EXOC1: variants seen among roughly 807,000 people sequenced by gnomAD.
The protein encoded by EXOC1 is exocyst complex component 1.
EXOC1 carries 67 observed loss-of-function variants against 107.7 expected under a neutral mutation model. The ratio of observed to expected loss-of-function variants is 0.62; its 90% CI spans 0.51 to 0.76. EXOC1 has a LOEUF of 0.76. EXOC1 is among the 30% of genes least tolerant of loss of function. The pLI is 0.00. For missense variants in EXOC1, 833 were observed against 1,055.7 expected, an observed-to-expected ratio of 0.79 and a Z score of 2.92; for synonymous variants, 348 against 353.5, an observed-to-expected ratio of 0.98 and a Z score of 0.17.
At chr4:55,897,052 A>G (rs1725292896) in intron 16 of EXOC1, 152 bp downstream of exon 16, 2 of 651,170 alleles carry the variant, frequency 3.1e-6, no homozygotes, top group Non-Finnish European at 4.8e-6. Flanking sequence ...TTTGGAAAAT[A>G]AAACCTATTT....
chr4:55,872,246 T>TA (rs147439110), intron 8 of EXOC1, among the ~76,000 whole-genome samples: 12,860 of 152,232 alleles, frequency 0.084, 648 homozygotes, highest in African/African-American at 0.12. Flanking sequence ...TTTTTATTTA[T>TA]AAAGTAAGTC....
At chr4:55,883,555 G>A (rs527470797) in intron 9 of EXOC1, 19 of 270,412 alleles carry the variant, frequency 7.0e-5, no homozygotes, top group African/African-American at 4.3e-4. Context: ...TGATTACAGT[G>A]ATATTTAAAA....
At chr4:55,868,190 AT>A in intron 4 of EXOC1, 145 bp from the exon 5 acceptor site, 1 of 475,704 alleles carries the variant, frequency 2.1e-6, no homozygotes, top group Non-Finnish European at 3.4e-6. Flanking sequence ...ATAAAGTTTG[AT>A]TTTTTCATAT....
chr4:55,894,723 A>G (rs1440446503), intron 15 of EXOC1, among the ~76,000 whole-genome samples: 1 of 147,222 alleles, frequency 6.8e-6, no homozygotes, highest in African/African-American at 2.5e-5. Flanking sequence ...CCTGGGTTCA[A>G]GTGATTCTCC....
chr4:55,901,974 A>G (rs78470125), intron 17 of EXOC1, among the ~76,000 whole-genome samples: 1,731 of 152,276 alleles, frequency 0.011, 43 homozygotes, highest in African/African-American at 0.039. Flanking sequence ...AAGTCCAAAA[A>G]AAGAAGGGGG....
intron 11 of EXOC1, 119 bp downstream of exon 11, chr4:55,889,051 T>A (rs1724217275): frequency 2.2e-6 from 2 of 930,042 alleles, no homozygotes; most frequent in South Asian, 3.0e-5. Context: ...TTGCCAGGTA[T>A]TGGTGAAAGA....
rs1726420643 is a variant in EXOC1, at chr4:55,904,755, T to C, written c.*260T>C. ...AATGCCTTTAGCATTTCTCAATGAC[T>C]GGATGGGAAATTTTCCTTTATTGCC... On this transcript the variant is annotated 3_prime_UTR_variant, in exon 19 of 19. Transcript: ENST00000381295. 3.5e-6 allele frequency: 1 copy of C among 285,586 alleles called. No individual in the cohort carries two copies. The allele number at this position is 285,586 out of a possible 1,614,324, so 17.7% of individuals were successfully genotyped here.
Position 55,864,262 on chromosome 4 carries a change from A to T in EXOC1, c.291A>T (p.Ile97=). The change falls in exon 4 of 19, where the codon ATA becomes ATT. Residue 97 remains isoleucine, a synonymous_variant. Coordinates refer to ENST00000381295, the MANE Select transcript of EXOC1 (RefSeq NM_001024924.2). ...AATTTGATTTACACTTTGAAAAAAT[A>T]TATAAATGGGTTGCCAGCAGCACTG... is the stretch of plus-strand genomic sequence containing the variant. ...NPEFDLHFEK[I]YKWVASSTAE... 6.3e-7 allele frequency: 1 copy of T among 1,594,456 alleles called. No individual in the cohort carries two copies. Among genetic ancestry groups the T allele is most frequent in the Non-Finnish European group, 8.5e-7 (1 of 1,170,724 alleles).
In EXOC1 at chr4:55,904,851, T is replaced by C. The variant is rs1726427889; in HGVS notation, c.*356T>C. 2 of 169,132 alleles carry C rather than the reference T, an allele frequency of 1.2e-5. No individual in the cohort carries two copies. Among genetic ancestry groups the C allele is most frequent in the South Asian group, 3.9e-4 (2 of 5,092 alleles). The allele number at this position is 169,132 out of a possible 1,614,324, so 10.5% of individuals were successfully genotyped here. ...AGTTCTTCAGCTTTCACTACTTCTCTGTTGCTTGCTAATCATGTAACTACT... is the reference window on the plus strand; with the variant it reads ...AGTTCTTCAGCTTTCACTACTTCTCCGTTGCTTGCTAATCATGTAACTACT... On this transcript the variant is annotated 3_prime_UTR_variant, in exon 19 of 19. Transcript: ENST00000381295.
chr4:55,899,669 TC>T lies in EXOC1; in HGVS notation c.2138-15del. 1 of 1,596,504 alleles carries T rather than the reference TC, an allele frequency of 6.3e-7. No homozygotes were observed. The highest frequency in any genetic ancestry group is 8.5e-7 in the Non-Finnish European group (1 of 1,173,214). On this transcript the variant is annotated splice_polypyrimidine_tract_variant and intron_variant, in intron 16 of 18. Coordinates refer to ENST00000381295, the MANE Select transcript of EXOC1 (RefSeq NM_001024924.2). ...TACTCAGAGATGTTATTTTATTTTT[TC>T]TGTTTTGGTTTTAGTGGAGAAAGTA...
At chr4:55,889,085 T>C (rs1026747713) in intron 11 of EXOC1, among the ~76,000 whole-genome samples, 153 bp downstream of exon 11, 1 of 152,244 alleles carries the variant, frequency 6.6e-6, no homozygotes, top group Non-Finnish European at 1.5e-5. Flanking sequence ...GGTAGTGATA[T>C]GGCTGTATCC....
At chr4:55,864,644 C>A (rs1318008409) in intron 4 of EXOC1, among the ~76,000 whole-genome samples, 1 of 152,136 alleles carries the variant, frequency 6.6e-6, no homozygotes, top group Non-Finnish European at 1.5e-5. Flanking sequence ...TTTTCCTATG[C>A]ATAAACACCT....
chr4:55,884,418 C>A (rs1018720056), intron 10 of EXOC1, among the ~76,000 whole-genome samples: 1 of 152,214 alleles, frequency 6.6e-6, no homozygotes, highest in Non-Finnish European at 1.5e-5. Flanking sequence ...TAAATATTTT[C>A]TCCCCTGCCA....
intron 8 of EXOC1, chr4:55,872,630 G>GA (rs997629346): frequency 3.6e-5 from 7 of 194,762 alleles, no homozygotes; most frequent in South Asian, 1.8e-4. Context: ...GTTATAGAAT[G>GA]AAAAAAAATT....
chr4:55,870,640 G>GTTTA (rs1307851917), intron 5 of EXOC1, 38 bp from the exon 6 acceptor site: 1 of 1,515,674 alleles, frequency 6.6e-7, no homozygotes, highest in Non-Finnish European at 9.1e-7. Context: ...TTGTTTGTTT[G>GTTTA]TTTGTTTGTT....
chr4:55,879,470 G>C lies in EXOC1; in HGVS notation c.1224+1404G>C, dbSNP rs1029179174. Among the ~76,000 whole-genome samples the C allele has an allele frequency of 2.0e-5, 3 of 151,074 alleles. No individual in the cohort carries two copies. The South Asian group carries it at 6.2e-4, about 31-fold the overall frequency. ...CTGTGAGCCAGGGGCAGACCCTGGT[G>C]GGGGCAGGGTGGATCTGGAAGGGAT... On this transcript the variant is annotated intron_variant, in intron 9 of 18. Transcript: ENST00000381295.
chr4:55,891,221 C>CAT, intron 12 of EXOC1, 94 bp from the exon 13 acceptor site: 3 of 744,212 alleles, frequency 4.0e-6, no homozygotes, highest in Non-Finnish European at 4.7e-6. Flanking sequence ...ATTATGGATC[C>CAT]ATGGTCTGTG....
intron 5 of EXOC1, among the ~76,000 whole-genome samples, chr4:55,869,739 A>T (rs1199696802): frequency 6.6e-6 from 1 of 152,214 alleles, no homozygotes; most frequent in East Asian, 1.9e-4. Flanking sequence ...TTAAAGTCGT[A>T]TTGCACTTAC....
intron 9 of EXOC1, among the ~76,000 whole-genome samples, chr4:55,880,099 T>C (rs552035827): frequency 6.6e-6 from 1 of 152,150 alleles, no homozygotes; most frequent in Non-Finnish European, 1.5e-5. Context: ...AGGAGGCAAA[T>C]TATGTATTCC....
Sources: allele counts gnomAD v4.1 joint callset (sites outside exome capture counted in the v4.1 genomes callset), GRCh38; gene constraint gnomAD v4.1.1; transcripts MANE v1.5; gene names NCBI Gene and HGNC (gene_info 2026-07-23, HGNC 2026-07-21).